The following CELF2 variants were observed in gnomAD, a reference collection of about 807,000 sequenced individuals.
CELF2 encodes CUG triplet repeat RNA-binding protein 2.
CELF2 carries 8 observed loss-of-function variants against 62.6 expected under a neutral mutation model. The observed-to-expected ratio is 0.13, with a 90% CI of 0.07 to 0.23. The LOEUF is 0.23. CELF2 is among the 10% of genes least tolerant of loss of function. The pLI, the probability that CELF2 is intolerant of heterozygous loss-of-function variation, is 1.00. For synonymous variants in CELF2, 258 were observed against 250.0 expected (o/e 1.03, Z -0.30); for missense variants, 333 against 671.0 (o/e 0.50, Z 5.56).
chr10:10,818,731 C>G (rs762134813), intron 1 of CELF2, among the ~76,000 whole-genome samples: 1 of 152,008 alleles, frequency 6.6e-6, no homozygotes, highest in African/African-American at 2.4e-5. Context: ...TAGCTGCCAT[C>G]ATGCCTGGCC....
At chr10:10,719,596 A>T in the CELF2 span, among the ~76,000 whole-genome samples, 1 of 152,146 alleles carries the variant, frequency 6.6e-6, no homozygotes, top group African/African-American at 2.4e-5. Context: ...ATGTTGCATG[A>T]TAGCCTAGCC....
the CELF2 span, among the ~76,000 whole-genome samples, chr10:10,636,891 GA>G: frequency 6.6e-6 from 1 of 152,126 alleles, no homozygotes; most frequent in South Asian, 2.1e-4. Context: ...TTAACAGAAA[GA>G]AAAACTATTT....
chr10:11,222,127 T>C (rs1371459165), intron 3 of CELF2, among the ~76,000 whole-genome samples: 1 of 127,558 alleles, frequency 7.8e-6, no homozygotes, highest in African/African-American at 2.9e-5. Context: ...TTGGCCTCTG[T>C]GTTCTTTCCT....
At chr10:10,951,494 A>G (rs1427491063) in intron 2 of CELF2, among the ~76,000 whole-genome samples, 1 of 152,172 alleles carries the variant, frequency 6.6e-6, no homozygotes, top group Non-Finnish European at 1.5e-5. Context: ...CCTTCATTGT[A>G]AAAAGTTTCT....
chr10:10,798,854 A>G, intron 1 of CELF2: 1 of 398,882 alleles, frequency 2.5e-6, no homozygotes. Flanking sequence ...TCCTGGTTTG[A>G]GTTCATAGCC....
At chr10:11,139,231 A>G (rs961024721) in intron 1 of CELF2, among the ~76,000 whole-genome samples, 4 of 152,220 alleles carry the variant, frequency 2.6e-5, no homozygotes, top group Admixed American at 2.6e-4. Flanking sequence ...TTAAACAATG[A>G]AGAAAACTAT....
intron 1 of CELF2, among the ~76,000 whole-genome samples, chr10:10,803,200 G>A (rs901204011): frequency 3.3e-5 from 5 of 152,168 alleles, no homozygotes; most frequent in African/African-American, 9.7e-5. Flanking sequence ...GCACATAGAG[G>A]AATGAAAGCA....
intron 2 of CELF2, among the ~76,000 whole-genome samples, chr10:11,175,341 G>A (rs2070672802): frequency 1.3e-5 from 2 of 152,262 alleles, no homozygotes; most frequent in South Asian, 4.1e-4. Context: ...TGAAAAGGGG[G>A]AAAGGCTGTA....
the CELF2 span, among the ~76,000 whole-genome samples, chr10:10,494,661 T>A: frequency 0.14 from 20,899 of 152,166 alleles, 2,915 homozygotes; most frequent in African/African-American, 0.36. Context: ...GAAGCTCTTC[T>A]CTTAAACCAA....
the CELF2 span, among the ~76,000 whole-genome samples, chr10:10,533,622 A>G: frequency 2.1e-4 from 32 of 152,364 alleles, no homozygotes; most frequent in South Asian, 6.4e-3. Flanking sequence ...AGCTGTCTGT[A>G]TGCCCTTGGG....
chr10:11,030,205 A>C (rs2059875679), intron 1 of CELF2: 1 of 152,206 alleles, frequency 6.6e-6, no homozygotes, highest in Non-Finnish European at 1.5e-5. Context: ...TTATGAGATT[A>C]GTTATTCTTG....
At chr10:11,107,596 A>G (rs1398229609) in intron 1 of CELF2, among the ~76,000 whole-genome samples, 1 of 152,008 alleles carries the variant, frequency 6.6e-6, no homozygotes, top group African/African-American at 2.4e-5. Flanking sequence ...TTAACCAAAC[A>G]TATTTCTAGA....
chr10:10,581,429 T>C, the CELF2 span, among the ~76,000 whole-genome samples: 1 of 152,112 alleles, frequency 6.6e-6, no homozygotes, highest in Non-Finnish European at 1.5e-5. Flanking sequence ...CCATTGCAAA[T>C]AGGAGATGAC....
chr10:10,776,111 C>T, the CELF2 span: 1 of 152,712 alleles, frequency 6.5e-6, no homozygotes, highest in African/African-American at 2.4e-5. Flanking sequence ...AACGTAAATA[C>T]CTCCCATTTC....
At chr10:10,528,946 T>A in the CELF2 span, among the ~76,000 whole-genome samples, 11 of 152,356 alleles carry the variant, frequency 7.2e-5, no homozygotes, top group South Asian at 4.1e-4. Flanking sequence ...GATTTTTATT[T>A]CCGCTATGTA....
At chr10:11,172,283 A>G (rs909406614) in intron 2 of CELF2, among the ~76,000 whole-genome samples, 1 of 152,330 alleles carries the variant, frequency 6.6e-6, no homozygotes, top group South Asian at 2.1e-4. Context: ...CTGACCGACG[A>G]CCTATGGGAC....
the CELF2 span, among the ~76,000 whole-genome samples, chr10:10,482,070 C>A: frequency 6.6e-6 from 1 of 152,104 alleles, no homozygotes; most frequent in East Asian, 1.9e-4. Flanking sequence ...AATAGGTGAA[C>A]AATATTGATT....
intron 2 of CELF2, chr10:10,924,114 C>T (rs2065193074): frequency 6.6e-6 from 1 of 151,670 alleles, no homozygotes; most frequent in African/African-American, 2.4e-5. Context: ...TAAACACTCT[C>T]TACTAAAAAT....
chr10:10,483,920 T>C, the CELF2 span, among the ~76,000 whole-genome samples: 1 of 148,846 alleles, frequency 6.7e-6, no homozygotes, highest in Non-Finnish European at 1.5e-5. Flanking sequence ...GTCTCATCTC[T>C]CTCTCAACTC....
Sources: allele counts gnomAD v4.1 joint callset (sites outside exome capture counted in the v4.1 genomes callset), GRCh38; gene constraint gnomAD v4.1.1; transcripts MANE v1.5; gene names NCBI Gene and HGNC (gene_info 2026-07-23, HGNC 2026-07-21).